The following SCFD2 variants were observed in gnomAD, a reference collection of about 807,000 sequenced individuals.
The protein encoded by SCFD2 is sec1 family domain containing 2, also known as sec1 family domain-containing protein 2.
A neutral mutation model predicts 58.9 loss-of-function variants in SCFD2; 54 were observed. That is an observed-to-expected ratio of 0.92 (90% CI 0.74 to 1.15). SCFD2 has a LOEUF of 1.15. SCFD2 is among the 50% of genes most tolerant of loss of function. The pLI, the probability that SCFD2 is intolerant of heterozygous loss-of-function variation, is 0.00. For synonymous variants in SCFD2, 321 were observed against 335.9 expected (o/e 0.96, Z 0.49); for missense variants, 805 against 836.6 (o/e 0.96, Z 0.47).
chr4:53,062,422 T>TCA (rs1723542655), intron 5 of SCFD2, among the ~76,000 whole-genome samples: 1 of 147,116 alleles, frequency 6.8e-6, no homozygotes, highest in Non-Finnish European at 1.5e-5. Flanking sequence ...TAATAGTCTC[T>TCA]CATTAAAGAG....
chr4:53,278,919 A>C (rs1254302844), intron 3 of SCFD2, among the ~76,000 whole-genome samples: 5 of 152,096 alleles, frequency 3.3e-5, no homozygotes, highest in Admixed American at 6.5e-5. Flanking sequence ...ACATTTTTAA[A>C]ATTTTTAAAT....
intron 2 of SCFD2, among the ~76,000 whole-genome samples, chr4:53,351,736 C>T (rs1734225423): frequency 6.6e-6 from 1 of 152,178 alleles, no homozygotes; most frequent in Admixed American, 6.5e-5. Flanking sequence ...TTTCTTCCCA[C>T]ATTGACCCAC....
At chr4:53,325,125 T>G (rs1733146744) in intron 2 of SCFD2, among the ~76,000 whole-genome samples, 1 of 152,142 alleles carries the variant, frequency 6.6e-6, no homozygotes, top group Non-Finnish European at 1.5e-5. Context: ...TACTTTTGTT[T>G]CTGATATTCA....
intron 5 of SCFD2, among the ~76,000 whole-genome samples, chr4:53,009,787 T>G (rs529774059): frequency 6.6e-6 from 1 of 152,308 alleles, no homozygotes; most frequent in South Asian, 2.1e-4. Context: ...TTAATTGCAT[T>G]TCTCAGAACC....
chr4:53,064,872 G>A (rs1366568360), intron 5 of SCFD2, among the ~76,000 whole-genome samples: 2 of 152,072 alleles, frequency 1.3e-5, no homozygotes, highest in Non-Finnish European at 2.9e-5. Flanking sequence ...GATAATACAT[G>A]TAAAGTACCT....
At chr4:53,255,961 G>T (rs1395837616) in intron 4 of SCFD2, among the ~76,000 whole-genome samples, 27 of 148,842 alleles carry the variant, frequency 1.8e-4, no homozygotes, top group African/African-American at 6.7e-4. Context: ...GGCTGGCCGG[G>T]TGGGGGGCTG....
chr4:52,936,038 T>C (rs980260620), intron 5 of SCFD2, among the ~76,000 whole-genome samples: 5 of 152,114 alleles, frequency 3.3e-5, no homozygotes, highest in African/African-American at 1.2e-4. Flanking sequence ...GGTTTCTCCA[T>C]GCTGTTCAGG....
chr4:52,964,613 A>T (rs1399747262), intron 5 of SCFD2, among the ~76,000 whole-genome samples: 1 of 152,128 alleles, frequency 6.6e-6, no homozygotes, highest in Non-Finnish European at 1.5e-5. Context: ...TGGGTTTGCA[A>T]TGTCAAGACA....
At chr4:53,092,390 T>G (rs1724497653) in intron 5 of SCFD2, among the ~76,000 whole-genome samples, 1 of 152,168 alleles carries the variant, frequency 6.6e-6, no homozygotes, top group African/African-American at 2.4e-5. Context: ...GGGCAATTTC[T>G]TTAAAAAATA....
chr4:53,024,704 C>CTTTTTTTTTT (rs374465004), intron 5 of SCFD2, among the ~76,000 whole-genome samples: 1 of 142,052 alleles, frequency 7.0e-6, no homozygotes, highest in African/African-American at 2.6e-5. Context: ...TGTCTCAGGC[C>CTTTTTTTTTT]TTTTTTTTTT....
At chr4:52,952,638 C>A (rs1200066230) in intron 5 of SCFD2, among the ~76,000 whole-genome samples, 2 of 152,132 alleles carry the variant, frequency 1.3e-5, no homozygotes, top group Non-Finnish European at 2.9e-5. Context: ...CACATATGGG[C>A]AACATCTAGG....
intron 5 of SCFD2, among the ~76,000 whole-genome samples, chr4:53,072,466 T>C (rs1461269542): frequency 2.0e-5 from 3 of 152,090 alleles, no homozygotes; most frequent in Non-Finnish European, 4.4e-5. Context: ...GGTTCAAGTA[T>C]GTTCAACCTG....
intron 8 of SCFD2, among the ~76,000 whole-genome samples, chr4:52,881,022 T>C (rs1353120635): frequency 6.6e-6 from 1 of 152,154 alleles, no homozygotes; most frequent in Non-Finnish European, 1.5e-5. Flanking sequence ...ATGGGGGAGG[T>C]TGCCCTCTTG....
intron 4 of SCFD2, among the ~76,000 whole-genome samples, chr4:53,241,721 A>G (rs1056198650): frequency 4.6e-5 from 7 of 152,138 alleles, no homozygotes; most frequent in Non-Finnish European, 8.8e-5. Flanking sequence ...GCACCCTGTC[A>G]TGCCACTGCT....
At chr4:53,167,864 T>C (rs1246211588) in intron 4 of SCFD2, among the ~76,000 whole-genome samples, 1 of 152,208 alleles carries the variant, frequency 6.6e-6, no homozygotes, top group African/African-American at 2.4e-5. Context: ...GCTATATATT[T>C]TATTTTCTGA....
At chr4:53,222,046 T>A (rs977506184) in intron 4 of SCFD2, among the ~76,000 whole-genome samples, 1 of 152,238 alleles carries the variant, frequency 6.6e-6, no homozygotes, top group African/African-American at 2.4e-5. Context: ...TGTTTTTCCA[T>A]TAGGCTTATG....
At chr4:53,276,042 G>GTA (rs1731316937) in intron 3 of SCFD2, among the ~76,000 whole-genome samples, 1 of 151,774 alleles carries the variant, frequency 6.6e-6, no homozygotes, top group African/African-American at 2.4e-5. Flanking sequence ...GTGTGTGTGT[G>GTA]TATACATATG....
At chr4:53,345,611 G>A (rs1734032735) in intron 2 of SCFD2, among the ~76,000 whole-genome samples, 1 of 151,862 alleles carries the variant, frequency 6.6e-6, no homozygotes, top group Admixed American at 6.6e-5. Flanking sequence ...ATACCCGAAG[G>A]ATTATAAATC....
chr4:53,331,804 A>G (rs1043904104), intron 2 of SCFD2, among the ~76,000 whole-genome samples: 1 of 152,222 alleles, frequency 6.6e-6, no homozygotes, highest in Non-Finnish European at 1.5e-5. Flanking sequence ...TAATGAATCC[A>G]GGAGCTGGTT....
Sources: gnomAD v4.1 joint callset for allele counts (sites outside exome capture counted in the v4.1 genomes callset) on GRCh38, gnomAD v4.1.1 for gene constraint, MANE v1.5 for transcripts, NCBI Gene and HGNC (gene_info 2026-07-23, HGNC 2026-07-21) for gene names.